The following VPS26A variants were observed in gnomAD, a reference collection of about 807,000 sequenced individuals.
VPS26A encodes the protein VPS26 retromer complex component A, also known as vacuolar protein sorting-associated protein 26A.
Under a neutral mutation model 42.4 loss-of-function variants are expected in VPS26A, and 22 were observed. The observed-to-expected ratio is 0.52, with a 90% CI of 0.37 to 0.74. The LOEUF (loss-of-function observed/expected upper bound fraction) is 0.74. Among genes scored for constraint, VPS26A ranks in the 30% least tolerant of loss-of-function variants. The pLI is 0.00. For synonymous variants in VPS26A, 110 were observed against 123.5 expected (o/e 0.89, Z 0.73); for missense variants, 276 against 379.2 (o/e 0.73, Z 2.26).
chr10:69,143,758 C>A (rs1424223040), intron 2 of VPS26A, among the ~76,000 whole-genome samples: 1 of 152,024 alleles, frequency 6.6e-6, no homozygotes, highest in East Asian at 1.9e-4. Flanking sequence ...GCTGTGTCAC[C>A]CAGGCTGGAG....
At position 69,129,310 on chromosome 10, in the gene VPS26A, T is replaced by C. The variant is rs183320466; in HGVS notation, c.4-3588T>C. Among the ~76,000 whole-genome samples the C allele has an allele frequency of 2.9e-3, 439 of 152,292 alleles. 5 individuals are homozygous for C. The highest frequency in any genetic ancestry group is 7.2e-4 in the Non-Finnish European group (49 of 68,022). On this transcript the variant is annotated intron_variant, in intron 1 of 8. Coordinates refer to ENST00000263559, the MANE Select transcript of VPS26A (RefSeq NM_004896.5). ...AAGCTGCTATACATTCTCATTTCTG[T>C]AGCCCTTAGAGGAAATGTACTACAG...
chr10:69,151,276 A>AAAAAAAAAAAAAAAAAAAAAAC (rs1554854511), intron 2 of VPS26A, among the ~76,000 whole-genome samples: 4 of 69,028 alleles, frequency 5.8e-5, no homozygotes, highest in African/African-American at 1.6e-4. Context: ...AAAAAAAAAA[A>AAAAAAAAAAAAAAAAAAAAAAC]AAAAAAACAC....
In VPS26A at chr10:69,172,414, A is replaced by G. The variant is rs965537903; in HGVS notation, c.*1145A>G. 2.0e-5 allele frequency: 3 copies of G among 152,370 alleles called. No homozygotes were observed. The highest frequency in any genetic ancestry group is 7.2e-5 in the African/African-American group (3 of 41,460). 9.4% of individuals were successfully genotyped at this position (152,370 alleles called of 1,614,324 possible). The stretch of plus-strand genomic sequence containing the variant: ...AAATACACTAAATGTGGAGTGTAGG[A>G]ACCAAAATGAAACCTGCTGTATGGA... On this transcript the variant is annotated 3_prime_UTR_variant, in exon 9 of 9. Coordinates refer to ENST00000263559, the MANE Select transcript of VPS26A (RefSeq NM_004896.5).
chr10:69,128,388 C>T (rs956455868), intron 1 of VPS26A, among the ~76,000 whole-genome samples: 1 of 151,904 alleles, frequency 6.6e-6, no homozygotes, highest in African/African-American at 2.4e-5. Context: ...CATGCCACCA[C>T]GTCTGGCAAA....
intron 2 of VPS26A, among the ~76,000 whole-genome samples, chr10:69,155,581 A>G (rs996109779): frequency 7.9e-5 from 12 of 152,226 alleles, no homozygotes; most frequent in African/African-American, 2.7e-4. Flanking sequence ...TTCCTTCTTA[A>G]CAAAGCAGAC....
intron 3 of VPS26A, 59 bp from the exon 4 acceptor site, chr10:69,156,948 T>C: frequency 6.8e-7 from 1 of 1,470,320 alleles, no homozygotes; most frequent in African/African-American, 1.4e-5. Flanking sequence ...AGTAGATGTC[T>C]GGGTTTTATT....
intron 2 of VPS26A, among the ~76,000 whole-genome samples, chr10:69,134,196 A>G (rs1434728973): frequency 6.6e-6 from 1 of 152,194 alleles, no homozygotes; most frequent in African/African-American, 2.4e-5. Flanking sequence ...TCATATAGAA[A>G]TAATTCACTG....
Position 69,167,152 on chromosome 10 carries a change from G to A in VPS26A, c.727+1042G>A, listed in dbSNP as rs557338073. 6.8e-3 allele frequency among the ~76,000 whole-genome samples: 1,024 copies of A among 151,582 alleles called. 11 individuals carry two copies. Among genetic ancestry groups the A allele is most frequent in the African/African-American group, 0.023 (969 of 41,336 alleles). ...AAAAAAAAAAAAAAATTCAGGGGCC[G>A]GGCGTGGTGGCTCACGCCTGTAATC... On this transcript the variant is annotated intron_variant, in intron 7 of 8. Transcript: ENST00000263559.
chr10:69,139,342 C>T (rs1403839485), intron 2 of VPS26A, among the ~76,000 whole-genome samples: 3 of 152,012 alleles, frequency 2.0e-5, no homozygotes, highest in African/African-American at 7.2e-5. Flanking sequence ...CTTGCTCTGT[C>T]ACCCAGGCTG....
At chr10:69,156,600 G>A (rs144660424) in intron 3 of VPS26A, among the ~76,000 whole-genome samples, 49 of 152,202 alleles carry the variant, frequency 3.2e-4, no homozygotes, top group Admixed American at 2.7e-3. Flanking sequence ...TGAGAGGCAA[G>A]TTGTAGTAAT....
intron 1 of VPS26A, among the ~76,000 whole-genome samples, chr10:69,130,674 A>G (rs1177556128): frequency 6.6e-6 from 1 of 152,250 alleles, no homozygotes; most frequent in Non-Finnish European, 1.5e-5. Context: ...GAACATTACT[A>G]GCAGCCAGAA....
At chr10:69,162,375 ATATT>A (rs1564686183) in intron 5 of VPS26A, 27 bp from the exon 6 acceptor site, 2 of 1,155,258 alleles carry the variant, frequency 1.7e-6, no homozygotes, top group South Asian at 1.3e-5. Flanking sequence ...TTTTAAACTG[ATATT>A]TAGTGAGATA....
chr10:69,166,118 A>G lies in VPS26A; in HGVS notation c.727+8A>G. 1 of 1,612,300 alleles carries G rather than the reference A, an allele frequency of 6.2e-7. No individual in the cohort carries two copies. Among genetic ancestry groups the G allele is most frequent in the Non-Finnish European group, 8.5e-7 (1 of 1,178,736 alleles). On this transcript the variant is annotated splice_region_variant and intron_variant, in intron 7 of 8. Transcript: ENST00000263559. Reference sequence around the variant, plus strand: ...ATGGTGCACCAGTAAAAGGTAACACACTTTTCAGTTACTTCTTTTGTATAG... The same window carrying G: ...ATGGTGCACCAGTAAAAGGTAACACGCTTTTCAGTTACTTCTTTTGTATAG...
chr10:69,134,366 G>A (rs1374854183), intron 2 of VPS26A, among the ~76,000 whole-genome samples: 4 of 152,028 alleles, frequency 2.6e-5, no homozygotes, highest in African/African-American at 9.7e-5. Context: ...ATCGGTATAC[G>A]TAAATTTTTC....
intron 5 of VPS26A, chr10:69,161,755 A>G: frequency 2.8e-6 from 1 of 359,744 alleles, no homozygotes; most frequent in Admixed American, 2.7e-5. Context: ...AGATGCAAGC[A>G]CACAAAGATG....
chr10:69,135,748 A>AT (rs898560760), intron 2 of VPS26A, among the ~76,000 whole-genome samples: 28 of 152,172 alleles, frequency 1.8e-4, no homozygotes, highest in African/African-American at 6.0e-4. Flanking sequence ...TTGGTTTGAG[A>AT]TTTTTTTCAT....
chr10:69,149,120 G>A (rs1841232180), intron 2 of VPS26A, among the ~76,000 whole-genome samples: 1 of 152,020 alleles, frequency 6.6e-6, no homozygotes, highest in Non-Finnish European at 1.5e-5. Context: ...GTAGTCTCAA[G>A]TATCTGCACA....
chr10:69,158,812 C>T (rs1841489277), intron 5 of VPS26A, among the ~76,000 whole-genome samples: 1 of 152,156 alleles, frequency 6.6e-6, no homozygotes, highest in Non-Finnish European at 1.5e-5. Context: ...ATTCAGCTCT[C>T]ATACTCCCCA....
At chr10:69,144,052 T>C (rs1029432859) in intron 2 of VPS26A, among the ~76,000 whole-genome samples, 2 of 152,152 alleles carry the variant, frequency 1.3e-5, no homozygotes, top group South Asian at 4.1e-4. Context: ...AAAACTGGTT[T>C]GCATTATCTG....
Sources: allele counts gnomAD v4.1 joint callset (sites outside exome capture counted in the v4.1 genomes callset), GRCh38; gene constraint gnomAD v4.1.1; transcripts MANE v1.5; gene names NCBI Gene and HGNC (gene_info 2026-07-23, HGNC 2026-07-21).